The following PLA2G7 variants were observed in gnomAD, a reference collection of about 807,000 sequenced individuals.
PLA2G7 encodes phospholipase A2 group VII.
A neutral mutation model predicts 49.6 loss-of-function variants in PLA2G7; 63 were observed. The ratio of observed to expected loss-of-function variants is 1.27; its 90% confidence interval spans 1.04 to 1.57. PLA2G7 has a LOEUF of 1.57. PLA2G7 is among the 40% of genes most tolerant of loss of function. The pLI is 0.00. For missense variants in PLA2G7, 596 were observed against 521.2 expected (o/e 1.14, Z -1.40); for synonymous variants, 193 against 169.9 (o/e 1.14, Z -1.06).
chr6:46,716,305 TAAC>T lies in PLA2G7; in HGVS notation c.376+76_376+78del, dbSNP rs1327843436. 2.7e-6 allele frequency: 4 copies of T among 1,462,674 alleles called. No homozygotes were observed. In the African/African-American group the frequency reaches 5.6e-5, roughly 20 times the overall value. 90.6% of individuals were successfully genotyped at this position (1,462,674 alleles called of 1,614,324 possible). On this transcript the variant is annotated intron_variant, in intron 4 of 11. Coordinates refer to ENST00000274793, the MANE Select transcript of PLA2G7 (RefSeq NM_005084.4). ...ACTGAAGAAAAATCTACTTTGGTCT[TAAC>T]TACTTGAAGTTCTTGTTGTTTTCAA...
intron 10 of PLA2G7, among the ~76,000 whole-genome samples, chr6:46,707,640 A>C (rs1764871200): frequency 6.6e-6 from 1 of 152,152 alleles, no homozygotes. Flanking sequence ...AAGTTTCCTG[A>C]GGCCTCCCCA....
At chr6:46,722,974 C>G in intron 1 of PLA2G7, 49 bp from the exon 2 acceptor site, 2 of 762,086 alleles carry the variant, frequency 2.6e-6, no homozygotes, top group Non-Finnish European at 4.7e-6. Flanking sequence ...ATGAAGAGGC[C>G]TTAAATAAGC....
chr6:46,734,413 TGTGAGAGAGAGAGAGAGAGAGAGAGA>T lies in PLA2G7; in HGVS notation c.-35+741_-35+766del, dbSNP rs1562083694. The stretch of plus-strand genomic sequence containing the variant: ...AGAGGTGTGTAGTGGTGTGTGTGTG[TGTGAGAGAGAGAGAGAGAGAGAGAGA>T]GAGAGAGAGAGAGAGAGAGAGAGAG... On this transcript the variant is annotated intron_variant, in intron 1 of 11. Transcript: ENST00000274793. Among the ~76,000 whole-genome samples, 7 of 56,710 alleles carry T rather than the reference TGTGAGAGAGAGAGAGAGAGAGAGAGA, an allele frequency of 1.2e-4. 1 individual carries two copies. The highest frequency in any genetic ancestry group is 8.3e-4 in the African/African-American group (5 of 6,048). 37.2% of individuals were successfully genotyped at this position (56,710 alleles called of 152,430 possible). A position where few individuals can be genotyped will look rare whatever the true frequency, so the allele number is the denominator to read the frequency against.
At position 46,705,183 on chromosome 6, in the gene PLA2G7, C is replaced by T. The variant is rs1582559608; in HGVS notation, c.1159G>A (p.Ala387Thr). The part of the protein sequence containing the change: ...SNVAIDLSNK[A>T]SLAFLQKHLG... The stretch of plus-strand genomic sequence containing the variant: ...TGCTTTTGTAAGAATGCTAATGAAG[C>T]TTTGTTGCTAAGATCAATAGCTACA... Residue 387 changes from alanine (A) to threonine (T), a missense_variant, in exon 11 of 12, where the codon GCT (alanine) becomes ACT (threonine). Physicochemically the swap from Ala to Thr is moderately conservative, Grantham distance 58 (BLOSUM62 0). Transcript: ENST00000274793. 6.2e-7 allele frequency: 1 copy of T among 1,609,792 alleles called. No individual in the cohort carries two copies.
intron 1 of PLA2G7, among the ~76,000 whole-genome samples, chr6:46,733,848 T>C (rs1765808998): frequency 1.3e-5 from 2 of 152,204 alleles, no homozygotes; most frequent in Non-Finnish European, 2.9e-5. Flanking sequence ...CCTCAGGGGA[T>C]ACATTTTCCA....
chr6:46,722,452 G>T (rs1424721831), intron 2 of PLA2G7, among the ~76,000 whole-genome samples: 1 of 152,134 alleles, frequency 6.6e-6, no homozygotes, highest in Admixed American at 6.5e-5. Context: ...TACTATGCTT[G>T]TGTGGGCATG....
In PLA2G7 at chr6:46,714,477, A is replaced by G; in HGVS notation, c.453T>C (p.His151=). 6.2e-7 allele frequency: 1 copy of G among 1,610,752 alleles called. No individual in the cohort carries two copies. Among genetic ancestry groups the G allele is most frequent in the Non-Finnish European group, 8.5e-7 (1 of 1,177,030 alleles). ...GEKYPLVVFS[H]GLGAFRTLYS... ...AACATTACCTGAATGCCCCAAGACC[A>G]TGAGAAAAAACAACAAGTGGATATT... Residue 151 remains histidine (H), a synonymous_variant, in exon 5 of 12, where the codon CAT becomes CAC. Coordinates refer to ENST00000274793, the MANE Select transcript of PLA2G7 (RefSeq NM_005084.4).
intron 3 of PLA2G7, among the ~76,000 whole-genome samples, 169 bp downstream of exon 3, chr6:46,716,806 A>G (rs752652251): frequency 6.6e-6 from 1 of 152,242 alleles, no homozygotes. Context: ...GACAATAACA[A>G]AGAATTGAGG....
chr6:46,714,402 A>G, intron 5 of PLA2G7, 58 bp downstream of exon 5: 1 of 1,015,062 alleles, frequency 9.9e-7, no homozygotes, highest in East Asian at 2.4e-5. Context: ...TCTTTCTTGA[A>G]TAAAAAAATT....
chr6:46,731,912 C>A (rs957036844), intron 1 of PLA2G7, among the ~76,000 whole-genome samples: 2 of 152,154 alleles, frequency 1.3e-5, no homozygotes, highest in African/African-American at 4.8e-5. Flanking sequence ...ACTGCTACCA[C>A]CCCCCATCAG....
Position 46,710,497 on chromosome 6 carries a change from A to G in PLA2G7, c.777+48T>C, listed in dbSNP as rs202041199. The stretch of plus-strand genomic sequence containing the variant: ...ATAGCAGAAAATTAAATGACAAAAA[A>G]CAATAAAGAACTGTAGGACAAGAGA... On this transcript the variant is annotated intron_variant, in intron 8 of 11. Coordinates refer to ENST00000274793, the MANE Select transcript of PLA2G7 (RefSeq NM_005084.4). 62 of 1,216,474 alleles carry G rather than the reference A, an allele frequency of 5.1e-5. 2 individuals are homozygous for G. In the South Asian group the frequency reaches 6.8e-4, roughly 13 times the overall value. 75.4% of individuals were successfully genotyped at this position (1,216,474 alleles called of 1,614,324 possible).
In PLA2G7 at chr6:46,712,254, T is replaced by G; in HGVS notation, c.539+15A>C. On this transcript the variant is annotated intron_variant, in intron 6 of 11. Coordinates refer to ENST00000274793, the MANE Select transcript of PLA2G7 (RefSeq NM_005084.4). ...TGTAGTTGGCCAAAGAGCCCAATTA[T>G]ATCAGGTAACATACCTGTGTTCTAC... is the stretch of plus-strand genomic sequence containing the variant. 2 of 1,569,064 alleles carry G rather than the reference T, an allele frequency of 1.3e-6. No individual in the cohort carries two copies. Among genetic ancestry groups the G allele is most frequent in the South Asian group, 2.2e-5 (2 of 90,218 alleles).
Position 46,704,679 on chromosome 6 carries a change from C to CAA in PLA2G7, c.1205_1206dup (p.Asp403LeufsTer7). On this transcript the variant is annotated frameshift_variant, in exon 12 of 12. Coordinates refer to ENST00000274793, the MANE Select transcript of PLA2G7 (RefSeq NM_005084.4). LOFTEE classifies it low-confidence loss of function (END_TRUNC). Reference sequence around the variant, plus strand: ...CCTTCAATCAAGCAGTCCCACTGATCAAAATCTTTATGAAGTCCTATAAAA... The same window carrying CAA: ...CCTTCAATCAAGCAGTCCCACTGATCAAAAAATCTTTATGAAGTCCTATAAAA... 1 of 1,580,064 alleles carries CAA rather than the reference C, an allele frequency of 6.3e-7. No individual in the cohort carries two copies. The highest frequency in any genetic ancestry group is 8.7e-7 in the Non-Finnish European group (1 of 1,148,968).
rs200351797 is a variant in PLA2G7, at chr6:46,710,548, C to G, written c.774G>C (p.Leu258=). Residue 258 remains leucine (L), a synonymous_variant, in exon 8 of 12, where the codon CTG becomes CTC. Coordinates refer to ENST00000274793, the MANE Select transcript of PLA2G7 (RefSeq NM_005084.4). ...ALDLKFDMEQ[L]KDSIDREKIA... is the part of the protein sequence containing the mutation. ...AAAATTACTTTTTATAGCTTACCTT[C>G]AGTTGTTCCATATCAAACTTTAAAT... 3.2e-6 allele frequency: 5 copies of G among 1,567,386 alleles called. No homozygotes were observed. In the African/African-American group the frequency reaches 6.7e-5, roughly 21 times the overall value.
At chr6:46,715,190 T>C (rs1765164790) in intron 4 of PLA2G7, among the ~76,000 whole-genome samples, 1 of 152,216 alleles carries the variant, frequency 6.6e-6, no homozygotes, top group African/African-American at 2.4e-5. Context: ...GGGAATGTTC[T>C]GAAACCAAAC....
At position 46,716,524 on chromosome 6, in the gene PLA2G7, G is replaced by A; in HGVS notation, c.236C>T (p.Thr79Ile). 1.9e-6 allele frequency: 3 copies of A among 1,613,572 alleles called. No individual in the cohort carries two copies. Among genetic ancestry groups the A allele is most frequent in the Non-Finnish European group, 2.5e-6 (3 of 1,179,596 alleles). The stretch of plus-strand genomic sequence containing the variant: ...GGATGGATAATATAAACGCAAGAAG[G>A]TGCCCTGTTAAGAAAGAAATTAATG... ...DLMFDHTNKG[T>I]FLRLYYPSQD... The change falls in exon 4 of 12, where the codon ACC (threonine) becomes ATC (isoleucine). Residue 79 changes from threonine to isoleucine, a missense_variant. By Grantham distance (89) the Thr-to-Ile change is moderately conservative. Coordinates refer to ENST00000274793, the MANE Select transcript of PLA2G7 (RefSeq NM_005084.4).
At chr6:46,709,723 C>T (rs1415897079) in intron 8 of PLA2G7, among the ~76,000 whole-genome samples, 1 of 152,142 alleles carries the variant, frequency 6.6e-6, no homozygotes, top group African/African-American at 2.4e-5. Flanking sequence ...CTCTCCTCAC[C>T]CCATGTTTAT....
At chr6:46,725,425 T>C (rs1765539318) in intron 1 of PLA2G7, among the ~76,000 whole-genome samples, 1 of 152,062 alleles carries the variant, frequency 6.6e-6, no homozygotes, top group African/African-American at 2.4e-5. Context: ...AGAGATGGGG[T>C]TTCACCATGT....
In PLA2G7 at chr6:46,705,152, C is replaced by A; in HGVS notation, c.1189+1G>T. 6.2e-7 allele frequency: 1 copy of A among 1,605,256 alleles called. No individual in the cohort carries two copies. On this transcript the variant is annotated splice_donor_variant, in intron 11 of 11. Transcript: ENST00000274793. LOFTEE classifies it high-confidence loss of function. The stretch of plus-strand genomic sequence containing the variant: ...AGGTCATGAAAAAAATAGTTTCTTA[C>A]CTAAATGCTTTTGTAAGAATGCTAA...
Sources: gnomAD v4.1 joint callset for allele counts (sites outside exome capture counted in the v4.1 genomes callset) on GRCh38, gnomAD v4.1.1 for gene constraint, MANE v1.5 for transcripts, NCBI Gene and HGNC (gene_info 2026-07-23, HGNC 2026-07-21) for gene names.